Variants in DPP10 observed in about 807,000 individuals in gnomAD.
The protein encoded by DPP10 is inactive dipeptidyl peptidase 10.
A neutral mutation model predicts 120.9 loss-of-function variants in DPP10; 33 were observed. The observed-to-expected ratio is 0.27, with a 90% CI of 0.21 to 0.37. The LOEUF is 0.37. Among genes scored for constraint, DPP10 ranks in the 10% least tolerant of loss-of-function variants. DPP10 has a pLI of 1.00. For missense variants in DPP10, 816 were observed against 942.8 expected (o/e 0.87, Z 1.76); for synonymous variants, 337 against 326.1 (o/e 1.03, Z -0.36).
At chr2:115,549,454 TATC>T (rs2079737725) in intron 5 of DPP10, among the ~76,000 whole-genome samples, 1 of 152,256 alleles carries the variant, frequency 6.6e-6, no homozygotes, top group South Asian at 2.1e-4. Flanking sequence ...CCAAAGATCT[TATC>T]ATTCATGCAT....
intron 5 of DPP10, among the ~76,000 whole-genome samples, chr2:115,575,194 A>G (rs1484875206): frequency 2.0e-5 from 3 of 152,338 alleles, no homozygotes; most frequent in African/African-American, 7.2e-5. Context: ...CAGAGAAATA[A>G]GAGTCACCTC....
chr2:114,895,222 C>T (rs927079497), intron 1 of DPP10, among the ~76,000 whole-genome samples: 13 of 152,102 alleles, frequency 8.5e-5, no homozygotes, highest in East Asian at 3.8e-4. Context: ...AAAAATAAAA[C>T]GACGTGTGGA....
intron 5 of DPP10, among the ~76,000 whole-genome samples, chr2:115,538,701 G>C (rs2079011784): frequency 6.6e-6 from 1 of 151,914 alleles, no homozygotes. Context: ...ATAAATTCAG[G>C]CTGTCACATT....
chr2:115,481,354 C>G (rs1282388449), intron 3 of DPP10, among the ~76,000 whole-genome samples: 3 of 152,100 alleles, frequency 2.0e-5, no homozygotes, highest in African/African-American at 7.2e-5. Context: ...AAAGTACATT[C>G]TTCAAAGCTT....
intron 1 of DPP10, among the ~76,000 whole-genome samples, chr2:114,466,735 G>A (rs1263180434): frequency 6.6e-6 from 1 of 152,116 alleles, no homozygotes; most frequent in Non-Finnish European, 1.5e-5. Context: ...GTAAGCAATT[G>A]TCTGTTCGCT....
At chr2:114,963,503 A>G (rs1381297611) in intron 1 of DPP10, among the ~76,000 whole-genome samples, 1 of 152,232 alleles carries the variant, frequency 6.6e-6, no homozygotes, top group Non-Finnish European at 1.5e-5. Context: ...ACACATATAT[A>G]TCAGAGATGT....
intron 1 of DPP10, among the ~76,000 whole-genome samples, chr2:114,633,248 C>CTTTTTTTTTTTTTTTTTT (rs35372708): frequency 2.7e-5 from 2 of 72,810 alleles, no homozygotes; most frequent in Non-Finnish European, 4.8e-5. Context: ...GTTTTTCTTT[C>CTTTTTTTTTTTTTTTTTT]TTTTTTTTTT....
At chr2:114,855,948 T>TA (rs5833565) in intron 1 of DPP10, among the ~76,000 whole-genome samples, 53,633 of 143,434 alleles carry the variant, frequency 0.37, 10,196 homozygotes, top group South Asian at 0.52. Flanking sequence ...TCCCTCAGGC[T>TA]AAAAAAAAAA....
intron 3 of DPP10, among the ~76,000 whole-genome samples, chr2:115,490,383 G>A (rs933269798): frequency 6.6e-6 from 1 of 151,072 alleles, no homozygotes; most frequent in Admixed American, 6.7e-5. Flanking sequence ...CAGCATGGGG[G>A]AAACCACCCC....
At chr2:114,906,043 T>C (rs1693932579) in intron 1 of DPP10, among the ~76,000 whole-genome samples, 1 of 152,180 alleles carries the variant, frequency 6.6e-6, no homozygotes, top group South Asian at 2.1e-4. Flanking sequence ...TTTTCTTGCC[T>C]AATTGTCCTG....
At chr2:115,249,003 T>G (rs2105646668) in intron 1 of DPP10, among the ~76,000 whole-genome samples, 1 of 152,254 alleles carries the variant, frequency 6.6e-6, no homozygotes, top group East Asian at 1.9e-4. Context: ...CAAATCTTAT[T>G]GAAGTTTTGC....
intron 17 of DPP10, among the ~76,000 whole-genome samples, 184 bp downstream of exon 17, chr2:115,782,583 T>C (rs963365108): frequency 9.2e-5 from 14 of 152,042 alleles, no homozygotes; most frequent in African/African-American, 3.4e-4. Context: ...GCAAGAGATA[T>C]GAGCCATGTT....
chr2:114,456,763 T>C (rs1233147877), intron 1 of DPP10, among the ~76,000 whole-genome samples: 3 of 152,170 alleles, frequency 2.0e-5, no homozygotes, highest in South Asian at 2.1e-4. Context: ...TTTTTCCCAG[T>C]AATTAAAATA....
intron 1 of DPP10, among the ~76,000 whole-genome samples, chr2:115,146,438 C>G (rs1034692474): frequency 6.6e-6 from 1 of 151,920 alleles, no homozygotes; most frequent in African/African-American, 2.4e-5. Context: ...TACAAAATCC[C>G]TGTTATTTAT....
chr2:114,495,024 C>G (rs1682383741), intron 1 of DPP10, among the ~76,000 whole-genome samples: 1 of 151,956 alleles, frequency 6.6e-6, no homozygotes. Flanking sequence ...TTAAAAAAAT[C>G]TGTCTAAGTA....
chr2:115,531,040 G>A (rs1470994467), intron 5 of DPP10, among the ~76,000 whole-genome samples: 1 of 151,940 alleles, frequency 6.6e-6, no homozygotes, highest in Non-Finnish European at 1.5e-5. Flanking sequence ...ACTTGTACAC[G>A]CTTAATCCTT....
chr2:114,498,680 C>G (rs1558816165), intron 1 of DPP10, among the ~76,000 whole-genome samples: 1 of 152,040 alleles, frequency 6.6e-6, no homozygotes, highest in Admixed American at 6.6e-5. Flanking sequence ...TTATTAGGAG[C>G]CTATTTCTGT....
At chr2:114,805,723 G>A (rs1237448030) in intron 1 of DPP10, among the ~76,000 whole-genome samples, 3 of 152,192 alleles carry the variant, frequency 2.0e-5, no homozygotes, top group African/African-American at 7.2e-5. Flanking sequence ...AGAGACCAAA[G>A]TGAGTGGATT....
intron 1 of DPP10, among the ~76,000 whole-genome samples, chr2:114,561,289 T>C (rs1688743897): frequency 1.3e-5 from 2 of 152,214 alleles, no homozygotes; most frequent in Non-Finnish European, 2.9e-5. Context: ...GGGTTTTTCT[T>C]TGTTTTTTGT....
Sources: allele counts gnomAD v4.1 joint callset (sites outside exome capture counted in the v4.1 genomes callset), GRCh38; gene constraint gnomAD v4.1.1; transcripts MANE v1.5; gene names NCBI Gene and HGNC (gene_info 2026-07-23, HGNC 2026-07-21).